MGMT: variants seen among roughly 807,000 people sequenced by gnomAD.
MGMT encodes methylated-DNA--protein-cysteine methyltransferase.
MGMT carries 14 observed loss-of-function variants against 15.9 expected under a neutral mutation model. The ratio of observed to expected loss-of-function variants is 0.88; its 90% CI spans 0.58 to 1.37. The LOEUF (loss-of-function observed/expected upper bound fraction) is 1.37. Ranked by LOEUF, MGMT falls within the 40% of genes most tolerant of loss-of-function variation. The probability of loss-of-function intolerance (pLI) is 0.00; values close to 1 mark genes in which losing one functional copy is unlikely to be tolerated. For synonymous variants in MGMT, 130 were observed against 118.2 expected (o/e 1.10, Z -0.65); for missense variants, 282 against 268.1 (o/e 1.05, Z -0.36).
At chr10:129,548,760 C>T (rs1846124202) in intron 2 of MGMT, among the ~76,000 whole-genome samples, 2 of 152,092 alleles carry the variant, frequency 1.3e-5, no homozygotes, top group Non-Finnish European at 2.9e-5. Flanking sequence ...GCTGGGGAGG[C>T]AGATTTGACA....
At chr10:129,520,696 ACCCCTACGGTGAGGGTGCAGAC>A (rs1235608329) in intron 1 of MGMT, among the ~76,000 whole-genome samples, 1 of 135,818 alleles carries the variant, frequency 7.4e-6, no homozygotes, top group Non-Finnish European at 1.6e-5. Context: ...CGGGTACAGA[ACCCCTACGGTGAGGGTGCAGAC>A]CCCCTATGGT....
At position 129,715,949 on chromosome 10, in the gene MGMT, C is replaced by T. The variant is rs140645274; in HGVS notation, c.274+7906C>T. ...TCAGAATGGAAAAAGCAAATATTTA[C>T]GTAGAGGGAACTCCTCCCTCCTGTT... On this transcript the variant is annotated intron_variant, in intron 3 of 4. Transcript: ENST00000651593. Among the ~76,000 whole-genome samples, 1,100 of 152,198 alleles carry T rather than the reference C, an allele frequency of 7.2e-3. 7 individuals are homozygous for T. The highest frequency in any genetic ancestry group is 0.01 in the Non-Finnish European group (711 of 68,024).
intron 2 of MGMT, among the ~76,000 whole-genome samples, chr10:129,630,836 C>T (rs496692): frequency 0.41 from 62,001 of 152,176 alleles, 13,806 homozygotes; most frequent in East Asian, 0.62. Context: ...CTAACGTGCT[C>T]CTACTGAAAA....
intron 3 of MGMT, among the ~76,000 whole-genome samples, chr10:129,725,072 G>C (rs1429922191): frequency 6.6e-6 from 1 of 152,226 alleles, no homozygotes; most frequent in Non-Finnish European, 1.5e-5. Flanking sequence ...GACAGGAAGA[G>C]GAAGCCTCTG....
intron 2 of MGMT, among the ~76,000 whole-genome samples, chr10:129,561,923 A>G (rs1846283694): frequency 6.6e-6 from 1 of 152,234 alleles, no homozygotes; most frequent in African/African-American, 2.4e-5. Flanking sequence ...CGTTGACTCC[A>G]GAGTCATTGT....
intron 2 of MGMT, among the ~76,000 whole-genome samples, chr10:129,650,138 G>T (rs1359483959): frequency 1.3e-5 from 2 of 152,176 alleles, no homozygotes. Flanking sequence ...TTACTTCTGA[G>T]TGTTTGGGGG....
In MGMT at chr10:129,501,210, CTCA is replaced by C. The variant is rs1845571327; in HGVS notation, c.-13+33915_-13+33917del. 2.6e-5 allele frequency among the ~76,000 whole-genome samples: 4 copies of C among 152,314 alleles called. 1 individual carries two copies. The South Asian group carries it at 8.3e-4, about 32-fold the overall frequency. ...GCTGGAGGTGAGAGGTGTCCATGTA[CTCA>C]CTTGTTCAAAGTTGCCCCCTCTTCC... On this transcript the variant is annotated intron_variant, in intron 1 of 4. Transcript: ENST00000651593.
chr10:129,691,962 T>A (rs961549494), intron 2 of MGMT, among the ~76,000 whole-genome samples: 1 of 152,198 alleles, frequency 6.6e-6, no homozygotes, highest in African/African-American at 2.4e-5. Context: ...ACTTTGGTTT[T>A]CTCGTTAATC....
chr10:129,596,377 C>T (rs1846751496), intron 2 of MGMT, among the ~76,000 whole-genome samples: 1 of 152,090 alleles, frequency 6.6e-6, no homozygotes, highest in African/African-American at 2.4e-5. Context: ...TTTATAAATA[C>T]AGTGAAATCT....
chr10:129,748,303 G>A (rs757197810), intron 3 of MGMT, among the ~76,000 whole-genome samples: 4 of 152,088 alleles, frequency 2.6e-5, no homozygotes, highest in Non-Finnish European at 4.4e-5. Context: ...ACTTTATTTT[G>A]TTGCTGAGAT....
chr10:129,554,478 T>C (rs1324167258), intron 2 of MGMT, among the ~76,000 whole-genome samples: 1 of 152,206 alleles, frequency 6.6e-6, no homozygotes, highest in Non-Finnish European at 1.5e-5. Context: ...TGTTGCGTGG[T>C]TGTACGTGGT....
At chr10:129,673,288 A>G (rs1564755880) in intron 2 of MGMT, among the ~76,000 whole-genome samples, 1 of 151,900 alleles carries the variant, frequency 6.6e-6, no homozygotes, top group African/African-American at 2.4e-5. Flanking sequence ...CCACATCCCA[A>G]TTTAAAAAAA....
chr10:129,489,808 ATCTT>A (rs1432944895), intron 1 of MGMT, among the ~76,000 whole-genome samples: 1 of 152,088 alleles, frequency 6.6e-6, no homozygotes, highest in African/African-American at 2.4e-5. Context: ...TTTTCATGTC[ATCTT>A]TAATTTACTT....
chr10:129,502,043 G>T (rs2119678702), intron 1 of MGMT, among the ~76,000 whole-genome samples: 1 of 152,372 alleles, frequency 6.6e-6, no homozygotes, highest in Middle Eastern at 3.4e-3. Context: ...CATCAAGCTT[G>T]CATGAATCAA....
intron 2 of MGMT, among the ~76,000 whole-genome samples, chr10:129,612,935 G>A (rs1218848286): frequency 2.0e-5 from 3 of 152,116 alleles, no homozygotes; most frequent in South Asian, 2.1e-4. Context: ...TCACAGCTGC[G>A]GTGACATCCT....
At chr10:129,479,419 T>G (rs1458039047) in intron 1 of MGMT, among the ~76,000 whole-genome samples, 1 of 152,134 alleles carries the variant, frequency 6.6e-6, no homozygotes, top group African/African-American at 2.4e-5. Flanking sequence ...ACCAAAAATC[T>G]AATGTATTTT....
intron 1 of MGMT, among the ~76,000 whole-genome samples, chr10:129,528,067 TCTC>T (rs1022884405): frequency 2.4e-4 from 36 of 151,310 alleles, no homozygotes; most frequent in African/African-American, 7.8e-4. Context: ...ATCCTGGAGT[TCTC>T]CTTCTGAATT....
intron 2 of MGMT, among the ~76,000 whole-genome samples, chr10:129,589,803 C>T (rs950704855): frequency 5.9e-5 from 9 of 152,190 alleles, no homozygotes; most frequent in South Asian, 2.1e-4. Context: ...ACCTCCAGGG[C>T]GGGCAGTGAA....
intron 3 of MGMT, among the ~76,000 whole-genome samples, chr10:129,730,449 T>G (rs1848483155): frequency 6.6e-6 from 1 of 152,218 alleles, no homozygotes; most frequent in Non-Finnish European, 1.5e-5. Context: ...GTATTCATTC[T>G]ACTGCAGAGG....
Sources: gnomAD v4.1 joint callset for allele counts (sites outside exome capture counted in the v4.1 genomes callset) on GRCh38, gnomAD v4.1.1 for gene constraint, MANE v1.5 for transcripts, NCBI Gene and HGNC (gene_info 2026-07-23, HGNC 2026-07-21) for gene names.